The following VPS41 variants were observed in gnomAD, a reference collection of about 807,000 sequenced individuals.
The protein encoded by VPS41 is VPS41 subunit of HOPS complex.
Under a neutral mutation model 130.9 loss-of-function variants are expected in VPS41, and 85 were observed. The ratio of observed to expected loss-of-function variants is 0.65; its 90% CI spans 0.55 to 0.78. The LOEUF (loss-of-function observed/expected upper bound fraction) is 0.78. Ranked by LOEUF, VPS41 falls within the 30% of genes least tolerant of loss-of-function variation. The pLI is 0.00. For synonymous variants in VPS41, 335 were observed against 332.9 expected, an observed-to-expected ratio of 1.01 and a Z score of -0.07; for missense variants, 874 against 1,018.7, an observed-to-expected ratio of 0.86 and a Z score of 1.93.
At chr7:38,780,896 C>T (rs1307747838) in intron 10 of VPS41, among the ~76,000 whole-genome samples, 1 of 152,018 alleles carries the variant, frequency 6.6e-6, no homozygotes, top group Admixed American at 6.5e-5. Flanking sequence ...CTCACAAGAT[C>T]TGGTGGTTTA....
chr7:38,830,744 A>C (rs1236731264), intron 4 of VPS41, among the ~76,000 whole-genome samples: 2 of 152,210 alleles, frequency 1.3e-5, no homozygotes, highest in African/African-American at 4.8e-5. Flanking sequence ...TCCTGGCTAC[A>C]AAATCCTTTC....
rs191992289 is a variant in VPS41, at chr7:38,874,194, G to A, written c.61-4941C>T. Among the ~76,000 whole-genome samples, 1,151 of 135,876 alleles carry A rather than the reference G, an allele frequency of 8.5e-3. 17 individuals carry two copies. Among genetic ancestry groups the A allele is most frequent in the African/African-American group, 0.026 (1,053 of 40,004 alleles). 89.1% of individuals were successfully genotyped at this position (135,876 alleles called of 152,430 possible). ...ATGGCATCACTGTTACAGGCCAAAT[G>A]AAGACTTGAATTTTACTTTTTAAAA... On this transcript the variant is annotated intron_variant, in intron 2 of 28. Transcript: ENST00000310301.
chr7:38,745,783 C>A, intron 22 of VPS41, 170 bp from the exon 23 acceptor site: 1 of 629,110 alleles, frequency 1.6e-6, no homozygotes, highest in Non-Finnish European at 2.8e-6. Context: ...ACTCAGTTAC[C>A]TCTCAGAGGT....
At chr7:38,796,400 T>A (rs1042872036) in intron 8 of VPS41, 1 of 462,130 alleles carries the variant, frequency 2.2e-6, no homozygotes, top group Non-Finnish European at 4.3e-6. Context: ...TTGTTTCATA[T>A]CAACTCTTAC....
intron 2 of VPS41, among the ~76,000 whole-genome samples, chr7:38,887,174 C>T (rs531370828): frequency 8.5e-5 from 13 of 152,228 alleles, no homozygotes; most frequent in African/African-American, 3.1e-4. Flanking sequence ...GGATGGATAA[C>T]GAGTTTGACA....
intron 17 of VPS41, 35 bp downstream of exon 17, chr7:38,763,420 G>T: frequency 1.4e-6 from 2 of 1,422,186 alleles, no homozygotes; most frequent in South Asian, 1.3e-5. Flanking sequence ...CTCCCATCGA[G>T]AACAAGTAAA....
At chr7:38,809,464 T>C (rs973912431) in intron 7 of VPS41, among the ~76,000 whole-genome samples, 2 of 151,488 alleles carry the variant, frequency 1.3e-5, no homozygotes, top group Non-Finnish European at 2.9e-5. Flanking sequence ...AAAAACAATC[T>C]TAATAATAAT....
chr7:38,765,739 A>T, intron 15 of VPS41, 78 bp from the exon 16 acceptor site: 1 of 907,378 alleles, frequency 1.1e-6, no homozygotes, highest in African/African-American at 1.7e-5. Context: ...GAATAAGTAG[A>T]CATTTTCCCC....
chr7:38,907,148 C>A (rs1050373014), intron 1 of VPS41, among the ~76,000 whole-genome samples: 7 of 150,970 alleles, frequency 4.6e-5, no homozygotes, highest in African/African-American at 1.7e-4. Flanking sequence ...AAAAATAATG[C>A]AGGAAGGTTT....
rs376196540 is a variant in VPS41 at position 38,898,082 on chromosome 7, C to G, written c.60+9G>C. The G allele has an allele frequency of 1.4e-5, 22 of 1,613,250 alleles. No homozygotes were observed. The African/African-American group carries it at 2.8e-4, about 21-fold the overall frequency. ...TACAAATCCGAGGGCTCCTGAGTCA[C>G]CACCTTACCTCAGACTCATCTGTAG... On this transcript the variant is annotated intron_variant, in intron 2 of 28. Transcript: ENST00000310301.
chr7:38,830,160 T>G (rs1785357910), intron 5 of VPS41, 94 bp downstream of exon 5: 1 of 770,732 alleles, frequency 1.3e-6, no homozygotes, highest in African/African-American at 1.7e-5. Context: ...TAATCAAGAT[T>G]GTCTTAATGC....
chr7:38,878,611 C>CAA (rs1315588459), intron 2 of VPS41, among the ~76,000 whole-genome samples: 1 of 152,056 alleles, frequency 6.6e-6, no homozygotes, highest in Non-Finnish European at 1.5e-5. Context: ...TCAAATATTG[C>CAA]AAAAACACAA....
chr7:38,752,360 C>T, intron 21 of VPS41, 47 bp from the exon 22 acceptor site: 1 of 1,608,958 alleles, frequency 6.2e-7, no homozygotes, highest in Non-Finnish European at 8.5e-7. Flanking sequence ...ATGAGAAAAG[C>T]AATACCTGGC....
chr7:38,820,445 C>G (rs1785149036), intron 6 of VPS41, among the ~76,000 whole-genome samples: 1 of 152,204 alleles, frequency 6.6e-6, no homozygotes, highest in Admixed American at 6.5e-5. Flanking sequence ...ATAGACACCT[C>G]AACTACCATA....
At chr7:38,854,574 A>G (rs1216237499) in intron 4 of VPS41, among the ~76,000 whole-genome samples, 1 of 151,500 alleles carries the variant, frequency 6.6e-6, no homozygotes, top group Non-Finnish European at 1.5e-5. Context: ...CCTATAATGT[A>G]CACACAATAA....
At chr7:38,733,052 T>G (rs2115569923) in intron 25 of VPS41, among the ~76,000 whole-genome samples, 1 of 152,332 alleles carries the variant, frequency 6.6e-6, no homozygotes, top group South Asian at 2.1e-4. Flanking sequence ...TATCTCAAAC[T>G]GCTGAGCTCA....
chr7:38,822,426 T>C lies in VPS41; in HGVS notation c.322-1161A>G, dbSNP rs140532225. Among the ~76,000 whole-genome samples the C allele has an allele frequency of 2.8e-3, 429 of 152,346 alleles. 2 individuals carry two copies. Among genetic ancestry groups the C allele is most frequent in the African/African-American group, 0.01 (418 of 41,578 alleles). On this transcript the variant is annotated intron_variant, in intron 5 of 28. Coordinates refer to ENST00000310301, the MANE Select transcript of VPS41 (RefSeq NM_014396.4). ...TTAGAATTTTGTAAGTAAGGAATCATATTCTATTTCACTGATTTATTTCAT... is the reference window on the plus strand; with the variant it reads ...TTAGAATTTTGTAAGTAAGGAATCACATTCTATTTCACTGATTTATTTCAT...
chr7:38,726,556 A>G (rs1795548546), intron 28 of VPS41, among the ~76,000 whole-genome samples: 1 of 152,188 alleles, frequency 6.6e-6, no homozygotes, highest in South Asian at 2.1e-4. Context: ...ACCTGGAGGA[A>G]TATGACACTA....
chr7:38,726,720 A>G (rs1212777017), intron 28 of VPS41, among the ~76,000 whole-genome samples, 189 bp downstream of exon 28: 1 of 152,284 alleles, frequency 6.6e-6, no homozygotes, highest in African/African-American at 2.4e-5. Context: ...TGTTTACTAT[A>G]GTACATAGAA....
Sources: allele counts gnomAD v4.1 joint callset (sites outside exome capture counted in the v4.1 genomes callset), GRCh38; gene constraint gnomAD v4.1.1; transcripts MANE v1.5; gene names NCBI Gene and HGNC (gene_info 2026-07-23, HGNC 2026-07-21).